KIF1A: variants seen among roughly 807,000 people sequenced by gnomAD.
The protein encoded by KIF1A is kinesin family member 1A, also known as kinesin-like protein KIF1A.
KIF1A carries 46 observed loss-of-function variants against 227.3 expected under a neutral mutation model. That is an observed-to-expected ratio of 0.20 (90% CI 0.16 to 0.26). The LOEUF (loss-of-function observed/expected upper bound fraction) is 0.26. KIF1A is among the 10% of genes least tolerant of loss of function. The probability of loss-of-function intolerance (pLI) is 1.00; values close to 1 mark genes in which losing one functional copy is unlikely to be tolerated. For synonymous variants in KIF1A, 1,022 were observed against 1,012.8 expected (o/e 1.01, Z -0.17); for missense variants, 1,683 against 2,485.9 (o/e 0.68, Z 6.87).
intron 20 of KIF1A, among the ~76,000 whole-genome samples, chr2:240,764,152 C>G (rs1013958206): frequency 4.6e-5 from 7 of 152,170 alleles, no homozygotes; most frequent in African/African-American, 1.7e-4. Flanking sequence ...TGCCTCCCAC[C>G]CAGGTGGCCC....
intron 1 of KIF1A, among the ~76,000 whole-genome samples, chr2:240,816,466 A>G (rs1453253653): frequency 1.3e-5 from 2 of 151,880 alleles, no homozygotes; most frequent in Non-Finnish European, 1.5e-5. Flanking sequence ...CACTGTGGGG[A>G]GGGGTGAGGA....
chr2:240,813,477 C>T (rs1318262030), intron 1 of KIF1A, among the ~76,000 whole-genome samples: 3 of 152,190 alleles, frequency 2.0e-5, no homozygotes, highest in Admixed American at 6.5e-5. Context: ...CCCCCAGCCC[C>T]GCCATCCACC....
At chr2:240,742,853 C>CG (rs1167883374) in intron 34 of KIF1A, 76 bp downstream of exon 34, 2 of 1,312,552 alleles carry the variant, frequency 1.5e-6, no homozygotes, top group Admixed American at 3.9e-5. Flanking sequence ...GCATTCACTG[C>CG]GGGGGCCCAG....
At chr2:240,771,623 G>C (rs905547479) in intron 14 of KIF1A, among the ~76,000 whole-genome samples, 1 of 152,038 alleles carries the variant, frequency 6.6e-6, no homozygotes, top group Non-Finnish European at 1.5e-5. Flanking sequence ...GCAGCGCCCC[G>C]TGCAGACCCC....
intron 29 of KIF1A, among the ~76,000 whole-genome samples, chr2:240,746,704 G>T (rs2048639143): frequency 6.6e-6 from 1 of 152,196 alleles, no homozygotes; most frequent in South Asian, 2.1e-4. Flanking sequence ...GTGGCATGGG[G>T]TGCACTTTGG....
At chr2:240,804,543 G>A (rs1165697664) in intron 1 of KIF1A, among the ~76,000 whole-genome samples, 1 of 152,172 alleles carries the variant, frequency 6.6e-6, no homozygotes, top group Non-Finnish European at 1.5e-5. Flanking sequence ...GGGGGAATGG[G>A]AGGCAGGACC....
At chr2:240,786,669 C>CTGCCTGCTGGG (rs1559529492) in intron 5 of KIF1A, among the ~76,000 whole-genome samples, 156 bp from the exon 6 acceptor site, 2 of 138,934 alleles carry the variant, frequency 1.4e-5, no homozygotes, top group East Asian at 2.0e-4. Flanking sequence ...GGGGTGGGGG[C>CTGCCTGCTGGG]CACCACCAGG....
chr2:240,719,206 C>CAG lies in KIF1A; in HGVS notation c.5022-10_5022-9dup, dbSNP rs762996115. 1.3e-6 allele frequency: 2 copies of CAG among 1,595,568 alleles called. No individual in the cohort carries two copies. Among genetic ancestry groups the CAG allele is most frequent in the Middle Eastern group, 1.7e-4 (1 of 5,964 alleles). ...TTCTTGGAAACGATCGGGCTGAAGG[C>CAG]AGAGAGAGCTGCTCGCTGGGGCCCT... On this transcript the variant is annotated splice_polypyrimidine_tract_variant and intron_variant, in intron 46 of 48. Coordinates refer to ENST00000498729, the MANE Select transcript of KIF1A (RefSeq NM_001244008.2).
Position 240,716,788 on chromosome 2 carries a change from G to A in KIF1A, c.*576C>T, listed in dbSNP as rs552928475. The A allele has an allele frequency of 1.7e-4, 26 of 152,598 alleles. No individual in the cohort carries two copies. The highest frequency in any genetic ancestry group is 2.9e-4 in the Non-Finnish European group (20 of 68,202). 9.5% of individuals were successfully genotyped at this position (152,598 alleles called of 1,614,324 possible). A position where few individuals can be genotyped will look rare whatever the true frequency, so the allele number is the denominator to read the frequency against. ...AGCCTGGGGCCCAGGCGATACACCC[G>A]TGTGCTAGCCCCAAGGTGCCCCACT... On this transcript the variant is annotated 3_prime_UTR_variant, in exon 49 of 49. Transcript: ENST00000498729.
At chr2:240,794,061 T>C (rs1032661586) in intron 2 of KIF1A, among the ~76,000 whole-genome samples, 8 of 152,220 alleles carry the variant, frequency 5.3e-5, no homozygotes, top group African/African-American at 1.4e-4. Flanking sequence ...CACCCTCTCA[T>C]GCCCTGTCTG....
chr2:240,787,234 C>G lies in KIF1A; in HGVS notation c.429+17G>C. The G allele has an allele frequency of 1.1e-5, 18 of 1,608,422 alleles. No individual in the cohort carries two copies. The highest frequency in any genetic ancestry group is 1.5e-5 in the Non-Finnish European group (18 of 1,175,548). On this transcript the variant is annotated intron_variant, in intron 5 of 48. Transcript: ENST00000498729. ...CCAGCCCTGCCCCAGCGGCCAACGG[C>G]AGGCGGGGAGCCCTACCTCCACGGA...
In KIF1A at chr2:240,750,520, C is replaced by T. The variant is rs2049087689; in HGVS notation, c.2886G>A (p.Leu962=). 1 of 1,613,876 alleles carries T rather than the reference C, an allele frequency of 6.2e-7. No homozygotes were observed. The highest frequency in any genetic ancestry group is 8.5e-7 in the Non-Finnish European group (1 of 1,179,800). Residue 962 remains leucine, a synonymous_variant, in exon 28 of 49, where the codon CTG becomes CTA. Transcript: ENST00000498729. ...CACGGTGTACCAGGGGAACGGGGTACAGCAGGTTGCTCAGGTACACGAAGG... is the reference window on the plus strand; with the variant it reads ...CACGGTGTACCAGGGGAACGGGGTATAGCAGGTTGCTCAGGTACACGAAGG... The part of the protein sequence containing the change: ...GRAFVYLSNL[L]YPVPLVHRVA...
chr2:240,783,428 G>C (rs184798167), intron 8 of KIF1A, among the ~76,000 whole-genome samples: 1 of 152,172 alleles, frequency 6.6e-6, no homozygotes, highest in Admixed American at 6.5e-5. Context: ...ACTCCTTCCC[G>C]ACCCCGGCAC....
chr2:240,786,801 CTG>C lies in KIF1A; in HGVS notation c.430-290_430-289del, dbSNP rs1434174104. ...GGACCCCTGAGTGAGGGGGTGGGGG[CTG>C]CCATCAGGACCCCTGAGTGAGAGGG... On this transcript the variant is annotated intron_variant, in intron 5 of 48. Coordinates refer to ENST00000498729, the MANE Select transcript of KIF1A (RefSeq NM_001244008.2). 0.014 allele frequency among the ~76,000 whole-genome samples: 1,640 copies of C among 120,940 alleles called. 149 individuals carry two copies. Among genetic ancestry groups the C allele is most frequent in the African/African-American group, 0.045 (1,504 of 33,566 alleles). The allele number at this position is 120,940 out of a possible 152,430, so 79.3% of individuals were successfully genotyped here. A position where few individuals can be genotyped will look rare whatever the true frequency, so the allele number is the denominator to read the frequency against.
chr2:240,782,517 C>T, intron 10 of KIF1A, 73 bp downstream of exon 10: 1 of 1,482,014 alleles, frequency 6.7e-7, no homozygotes. Flanking sequence ...CCCCTCACCA[C>T]AGGGCGCCAA....
intron 44 of KIF1A, among the ~76,000 whole-genome samples, chr2:240,721,424 G>T (rs2045367031): frequency 6.6e-6 from 1 of 152,256 alleles, no homozygotes; most frequent in South Asian, 2.1e-4. Flanking sequence ...CACAGCAGCA[G>T]TTTCCCAGGC....
chr2:240,783,710 G>A lies in KIF1A; in HGVS notation c.798+29C>T, dbSNP rs372287696. On this transcript the variant is annotated intron_variant, in intron 8 of 48. Coordinates refer to ENST00000498729, the MANE Select transcript of KIF1A (RefSeq NM_001244008.2). Reference sequence around the variant, plus strand: ...TCTGGAGCAGGCCAAATGTGGACACGGGTCCCCGCATGGCGGCCTGGCCCC... The same window carrying A: ...TCTGGAGCAGGCCAAATGTGGACACAGGTCCCCGCATGGCGGCCTGGCCCC... The A allele has an allele frequency of 4.3e-5, 66 of 1,536,370 alleles. No individual in the cohort carries two copies. In the South Asian group the frequency reaches 7.0e-4, roughly 16 times the overall value.
In KIF1A at chr2:240,718,876, G is replaced by A. The variant is rs996583210; in HGVS notation, c.5214+130C>T. 3.7e-5 allele frequency: 27 copies of A among 726,870 alleles called. 1 individual carries two copies. The highest frequency in any genetic ancestry group is 2.7e-4 in the East Asian group (10 of 36,480). The allele number at this position is 726,870 out of a possible 1,614,324, so 45.0% of individuals were successfully genotyped here. The stretch of plus-strand genomic sequence containing the variant: ...GGCTGAGTCCCTGAGCCCAGCCTCC[G>A]TGGAACAGGACGGAGTCTGGGGTGA... On this transcript the variant is annotated intron_variant, in intron 47 of 48. Transcript: ENST00000498729.
At chr2:240,816,511 G>A (rs554520839) in intron 1 of KIF1A, among the ~76,000 whole-genome samples, 34 of 152,242 alleles carry the variant, frequency 2.2e-4, no homozygotes, top group African/African-American at 8.2e-4. Flanking sequence ...CCAGGCACTG[G>A]CCTGCCCTCC....
Sources: gnomAD v4.1 joint callset for allele counts (sites outside exome capture counted in the v4.1 genomes callset) on GRCh38, gnomAD v4.1.1 for gene constraint, MANE v1.5 for transcripts, NCBI Gene and HGNC (gene_info 2026-07-23, HGNC 2026-07-21) for gene names.